MARCHF1: variants seen among roughly 807,000 people sequenced by gnomAD.
The protein encoded by MARCHF1 is E3 ubiquitin-protein ligase MARCHF1.
MARCHF1 carries 40 observed loss-of-function variants against 54.2 expected under a neutral mutation model. That is an observed-to-expected ratio of 0.74 (90% CI 0.57 to 0.96). The LOEUF (loss-of-function observed/expected upper bound fraction) is 0.96, where lower values mean the gene tolerates loss of function less well. Ranked by LOEUF, MARCHF1 falls within the 40% of genes least tolerant of loss-of-function variation. The probability of loss-of-function intolerance (pLI) is 0.00; values close to 1 mark genes in which losing one functional copy is unlikely to be tolerated. For synonymous variants in MARCHF1, 236 were observed against 236.3 expected, an observed-to-expected ratio of 1.00 and a Z score of 0.01; for missense variants, 586 against 656.5, an observed-to-expected ratio of 0.89 and a Z score of 1.17.
At chr4:164,193,220 A>G (rs994370194) in intron 1 of MARCHF1, among the ~76,000 whole-genome samples, 2 of 152,104 alleles carry the variant, frequency 1.3e-5, no homozygotes, top group Non-Finnish European at 1.5e-5. Flanking sequence ...CTTTTTCGGA[A>G]GATGCCAAAA....
At chr4:164,075,819 G>A (rs1754964921) in intron 2 of MARCHF1, among the ~76,000 whole-genome samples, 1 of 152,170 alleles carries the variant, frequency 6.6e-6, no homozygotes, top group African/African-American at 2.4e-5. Context: ...GTTATGCACT[G>A]AGGCTGATAT....
intron 1 of MARCHF1, among the ~76,000 whole-genome samples, chr4:164,249,343 A>G (rs1314830988): frequency 6.6e-6 from 1 of 152,086 alleles, no homozygotes; most frequent in African/African-American, 2.4e-5. Flanking sequence ...TTGATTTTTG[A>G]TGTATGGGAA....
intron 3 of MARCHF1, among the ~76,000 whole-genome samples, chr4:163,886,342 TAG>T (rs1491079564): frequency 6.0e-5 from 9 of 149,530 alleles, no homozygotes; most frequent in Admixed American, 1.3e-4. Flanking sequence ...GATAGATAGA[TAG>T]ATAGATATAG....
At position 164,208,725 on chromosome 4, in the gene MARCHF1, T is replaced by G. The variant is rs2111110683; in HGVS notation, c.-322-97063A>C. On this transcript the variant is annotated intron_variant, in intron 1 of 9. Transcript: ENST00000514618. Reference sequence around the variant, plus strand: ...ATTTAAAAGCTGCCTTGTGGGAAATTGGTTAAGCTCTGGAGTTCAAGAACA... The same window carrying G: ...ATTTAAAAGCTGCCTTGTGGGAAATGGGTTAAGCTCTGGAGTTCAAGAACA... Among the ~76,000 whole-genome samples the G allele has an allele frequency of 2.0e-5, 3 of 152,190 alleles. No individual in the cohort carries two copies. The South Asian group carries it at 6.2e-4, about 32-fold the overall frequency.
At chr4:163,735,884 T>C (rs924638571) in intron 4 of MARCHF1, among the ~76,000 whole-genome samples, 5 of 152,174 alleles carry the variant, frequency 3.3e-5, no homozygotes, top group African/African-American at 7.2e-5. Flanking sequence ...CCCCCCTTCA[T>C]AGGGGATACA....
At chr4:164,341,046 T>G (rs1729912696) in intron 1 of MARCHF1, among the ~76,000 whole-genome samples, 1 of 152,078 alleles carries the variant, frequency 6.6e-6, no homozygotes. Context: ...CAAGTAGAAT[T>G]TATCCCTGGG....
chr4:163,760,046 C>T (rs1746786603), intron 4 of MARCHF1, among the ~76,000 whole-genome samples: 1 of 152,232 alleles, frequency 6.6e-6, no homozygotes, highest in South Asian at 2.1e-4. Flanking sequence ...AAATGTGTCT[C>T]ACTGGCTAAA....
At chr4:163,710,435 C>T (rs1349220388) in intron 4 of MARCHF1, among the ~76,000 whole-genome samples, 2 of 152,102 alleles carry the variant, frequency 1.3e-5, no homozygotes. Flanking sequence ...TATAATTGGG[C>T]AGTCCAAACA....
At chr4:163,918,326 T>C (rs942842855) in intron 3 of MARCHF1, among the ~76,000 whole-genome samples, 1 of 152,150 alleles carries the variant, frequency 6.6e-6, no homozygotes, top group African/African-American at 2.4e-5. Context: ...ATTAGATGTA[T>C]GTTTTGTGAA....
intron 3 of MARCHF1, among the ~76,000 whole-genome samples, chr4:163,872,340 C>A (rs551707134): frequency 6.6e-6 from 1 of 152,278 alleles, no homozygotes; most frequent in Non-Finnish European, 1.5e-5. Flanking sequence ...TCATTTAAAT[C>A]TACACAGTGA....
At chr4:163,637,365 G>T (rs879152862) in intron 5 of MARCHF1, among the ~76,000 whole-genome samples, 2,125 of 151,884 alleles carry the variant, frequency 0.014, 47 homozygotes, top group African/African-American at 0.049. Context: ...AGGGCTAATA[G>T]CCAGAATCTA....
At chr4:164,205,019 A>G (rs768421950) in intron 1 of MARCHF1, among the ~76,000 whole-genome samples, 10 of 152,174 alleles carry the variant, frequency 6.6e-5, no homozygotes, top group Non-Finnish European at 1.5e-4. Context: ...TGCAGTGAAC[A>G]TTTTCTTTGA....
chr4:163,528,648 G>A lies in MARCHF1; in HGVS notation c.*100C>T. On this transcript the variant is annotated 3_prime_UTR_variant, in exon 10 of 10. Transcript: ENST00000514618. ...AAAAATGTGTCAGTAGGAGAAAGGA[G>A]GAGCTGAAGGGAGTAAATAATTCAA... is the stretch of plus-strand genomic sequence containing the variant. 8.3e-7 allele frequency: 1 copy of A among 1,206,502 alleles called. No individual in the cohort carries two copies. The highest frequency in any genetic ancestry group is 1.2e-6 in the Non-Finnish European group (1 of 864,378). The allele number at this position is 1,206,502 out of a possible 1,614,324, so 74.7% of individuals were successfully genotyped here.
intron 4 of MARCHF1, among the ~76,000 whole-genome samples, chr4:163,788,654 G>A (rs1027081353): frequency 2.0e-5 from 3 of 151,974 alleles, no homozygotes; most frequent in Non-Finnish European, 4.4e-5. Context: ...CCAGAGAGGT[G>A]AAGGGCCTTT....
intron 1 of MARCHF1, among the ~76,000 whole-genome samples, chr4:164,165,705 G>T (rs543599473): frequency 1.3e-5 from 2 of 151,998 alleles, no homozygotes; most frequent in Non-Finnish European, 2.9e-5. Flanking sequence ...GAAAGGCCCT[G>T]CATTTTAGAT....
chr4:164,092,362 C>T (rs1222464568), intron 2 of MARCHF1, among the ~76,000 whole-genome samples: 1 of 152,118 alleles, frequency 6.6e-6, no homozygotes, highest in East Asian at 1.9e-4. Flanking sequence ...TCCCACACAA[C>T]ACTGGTTTCA....
chr4:164,019,865 A>G (rs1305885767), intron 2 of MARCHF1, among the ~76,000 whole-genome samples: 1 of 152,232 alleles, frequency 6.6e-6, no homozygotes, highest in Non-Finnish European at 1.5e-5. Context: ...AAGGGTGTAG[A>G]GTTGCAGTGT....
intron 3 of MARCHF1, among the ~76,000 whole-genome samples, chr4:163,873,000 C>T (rs1017415278): frequency 2.6e-5 from 4 of 151,588 alleles, no homozygotes; most frequent in African/African-American, 7.3e-5. Flanking sequence ...GCCGAGATCG[C>T]GCCACTGCAC....
chr4:163,650,983 C>A (rs1742942942), intron 5 of MARCHF1, among the ~76,000 whole-genome samples: 1 of 151,806 alleles, frequency 6.6e-6, no homozygotes, highest in Non-Finnish European at 1.5e-5. Flanking sequence ...AAAGGGGAAA[C>A]TGAAGTAAAA....
Sources: allele counts gnomAD v4.1 joint callset (sites outside exome capture counted in the v4.1 genomes callset), GRCh38; gene constraint gnomAD v4.1.1; transcripts MANE v1.5; gene names NCBI Gene and HGNC (gene_info 2026-07-23, HGNC 2026-07-21).